Variants in THSD4 observed in about 807,000 individuals in gnomAD.
The protein encoded by THSD4 is thrombospondin type-1 domain-containing protein 4.
THSD4 carries 69 observed loss-of-function variants against 119.0 expected under a neutral mutation model. The observed-to-expected ratio is 0.58, with a 90% confidence interval of 0.48 to 0.71. The LOEUF is 0.71. Among genes scored for constraint, THSD4 ranks in the 30% least tolerant of loss-of-function variants. THSD4 has a pLI of 0.00. For synonymous variants in THSD4, 524 were observed against 540.4 expected (o/e 0.97, Z 0.42); for missense variants, 1,393 against 1,391.1 (o/e 1.00, Z -0.02).
At chr15:71,325,713 C>A (rs959594335) in intron 6 of THSD4, among the ~76,000 whole-genome samples, 1 of 152,104 alleles carries the variant, frequency 6.6e-6, no homozygotes, top group African/African-American at 2.4e-5. Context: ...GTGATTGAGG[C>A]TCAGCTATTG....
intron 1 of THSD4, among the ~76,000 whole-genome samples, chr15:71,131,775 G>A (rs868551988): frequency 6.6e-6 from 1 of 152,196 alleles, no homozygotes; most frequent in Non-Finnish European, 1.5e-5. Flanking sequence ...AATGGAATAT[G>A]AGTGGCAGTG....
rs2049578982 is a variant in THSD4, at chr15:71,582,509, C to A, written c.1153-78021C>A. On this transcript the variant is annotated intron_variant, in intron 7 of 17. Coordinates refer to ENST00000261862, the MANE Select transcript of THSD4 (RefSeq NM_024817.3). ...TGCTTACTTGCTCCAGCTAGTAGTT[C>A]AGTATTATGTTGAATAGAAGTGGCA... 2.6e-5 allele frequency among the ~76,000 whole-genome samples: 4 copies of A among 151,964 alleles called. No individual in the cohort carries two copies. The South Asian group carries it at 8.3e-4, about 32-fold the overall frequency.
intron 7 of THSD4, among the ~76,000 whole-genome samples, chr15:71,514,987 A>T (rs1229518098): frequency 6.6e-6 from 1 of 152,216 alleles, no homozygotes; most frequent in African/African-American, 2.4e-5. Context: ...ACAAGAGAAC[A>T]TCTTGAACAT....
At chr15:71,097,555 G>A (rs1204336291) in intron 1 of THSD4, among the ~76,000 whole-genome samples, 5 of 144,412 alleles carry the variant, frequency 3.5e-5, no homozygotes, top group Admixed American at 3.4e-4. Flanking sequence ...GACAAAGCAA[G>A]ACTCTGTCTC....
chr15:71,341,365 A>G lies in THSD4; in HGVS notation c.1016-70322A>G, dbSNP rs1351712510. 4 of 1,610,620 alleles carry G rather than the reference A, an allele frequency of 2.5e-6. No homozygotes were observed. The Admixed American group carries it at 5.0e-5, about 20-fold the overall frequency. On this transcript the variant is annotated intron_variant, in intron 6 of 17. Coordinates refer to ENST00000261862, the MANE Select transcript of THSD4 (RefSeq NM_024817.3). ...TCTTAGGTGCTTTGTTCACTTGGAT[A>G]TGCTCAATGACCAGAGAATCTACAT...
intron 3 of THSD4, among the ~76,000 whole-genome samples, chr15:71,208,952 C>A (rs996870513): frequency 6.6e-6 from 1 of 152,110 alleles, no homozygotes; most frequent in Non-Finnish European, 1.5e-5. Flanking sequence ...TACATGGCCC[C>A]CTTAACCCTA....
At chr15:71,393,513 C>T (rs2046404488) in intron 6 of THSD4, among the ~76,000 whole-genome samples, 1 of 152,124 alleles carries the variant, frequency 6.6e-6, no homozygotes, top group Non-Finnish European at 1.5e-5. Flanking sequence ...AGGCTGGAGT[C>T]TGGTTGGTGG....
chr15:71,274,898 G>A (rs1956712018), intron 6 of THSD4, among the ~76,000 whole-genome samples: 1 of 152,150 alleles, frequency 6.6e-6, no homozygotes, highest in African/African-American at 2.4e-5. Context: ...CATCTAATGA[G>A]CAGATTAGAC....
intron 6 of THSD4, among the ~76,000 whole-genome samples, chr15:71,394,733 A>G (rs779594788): frequency 6.6e-6 from 1 of 152,222 alleles, no homozygotes; most frequent in Non-Finnish European, 1.5e-5. Context: ...ACCTTTCCTG[A>G]TACCCTGGAC....
At chr15:71,710,014 G>T (rs1489715529) in intron 8 of THSD4, among the ~76,000 whole-genome samples, 3 of 152,246 alleles carry the variant, frequency 2.0e-5, no homozygotes, top group Admixed American at 2.0e-4. Flanking sequence ...CTCAGATCCA[G>T]GCTGGATGTC....
chr15:71,114,145 C>T (rs534028757), upstream of THSD4, among the ~76,000 whole-genome samples: 13 of 152,278 alleles, frequency 8.5e-5, no homozygotes, highest in African/African-American at 1.9e-4. Context: ...TGCCAGGCTC[C>T]GGGCCAGTAG....
chr15:71,256,706 T>G lies in THSD4; in HGVS notation c.1006T>G (p.Phe336Val). ...FMGRFYEWEPFAEVKGNRKCE... is the reference protein window; with the variant it reads ...FMGRFYEWEPVAEVKGNRKCE... ...GGGCCGGTTTTATGAGTGGGAACCA[T>G]TTGCAGAAGGTAAGAATAGACCCAG... The change falls in exon 6 of 18, where the codon TTT becomes GTT. Residue 336 changes from phenylalanine to valine, a missense_variant. Physicochemically the swap from Phe to Val is conservative, Grantham distance 50. Coordinates refer to ENST00000261862, the MANE Select transcript of THSD4 (RefSeq NM_024817.3). 1 of 1,613,738 alleles carries G rather than the reference T, an allele frequency of 6.2e-7. No individual in the cohort carries two copies. Among genetic ancestry groups the G allele is most frequent in the Non-Finnish European group, 8.5e-7 (1 of 1,179,786 alleles).
intron 7 of THSD4, among the ~76,000 whole-genome samples, chr15:71,422,883 G>A (rs1404665782): frequency 2.0e-5 from 3 of 152,126 alleles, no homozygotes; most frequent in Non-Finnish European, 4.4e-5. Context: ...CTGCAGCTTA[G>A]CTGGCACCCA....
intron 4 of THSD4, among the ~76,000 whole-genome samples, chr15:71,225,118 T>A (rs1354725815): frequency 2.0e-5 from 3 of 149,418 alleles, no homozygotes; most frequent in Admixed American, 6.8e-5. Context: ...TATGGGAAAT[T>A]TAGTGATCCT....
At chr15:71,628,637 T>C (rs770608278) in intron 7 of THSD4, among the ~76,000 whole-genome samples, 3 of 152,218 alleles carry the variant, frequency 2.0e-5, no homozygotes, top group Non-Finnish European at 2.9e-5. Context: ...TCCCAGGCAA[T>C]GTTGATGCTG....
intron 6 of THSD4, among the ~76,000 whole-genome samples, chr15:71,297,021 A>G (rs1030080821): frequency 6.6e-6 from 1 of 152,074 alleles, no homozygotes; most frequent in African/African-American, 2.4e-5. Context: ...TGCTTCCATT[A>G]TTATACATCT....
At chr15:71,373,087 A>G (rs182319908) in intron 6 of THSD4, among the ~76,000 whole-genome samples, 2 of 152,378 alleles carry the variant, frequency 1.3e-5, no homozygotes, top group Non-Finnish European at 2.9e-5. Flanking sequence ...TGGTCTAAAA[A>G]TATTCAGATA....
intron 6 of THSD4, among the ~76,000 whole-genome samples, chr15:71,323,789 A>G (rs2045305494): frequency 6.6e-6 from 1 of 152,246 alleles, no homozygotes; most frequent in South Asian, 2.1e-4. Context: ...TTATGGTAGC[A>G]ACTTTAGAGA....
intron 2 of THSD4, among the ~76,000 whole-genome samples, chr15:71,142,223 A>G (rs1360143610): frequency 6.6e-6 from 1 of 151,888 alleles, no homozygotes; most frequent in East Asian, 1.9e-4. Flanking sequence ...CAATCTTTAT[A>G]TCAACCATGC....
Sources: gnomAD v4.1 joint callset for allele counts (sites outside exome capture counted in the v4.1 genomes callset) on GRCh38, gnomAD v4.1.1 for gene constraint, MANE v1.5 for transcripts, NCBI Gene and HGNC (gene_info 2026-07-23, HGNC 2026-07-21) for gene names.